Variants in SMR3A observed in about 807,000 individuals in gnomAD.
SMR3A encodes the protein submaxillary gland androgen regulated protein 3A, also known as submaxillary gland androgen-regulated protein 3A.
For synonymous variants in SMR3A, 48 were observed against 57.4 expected (o/e 0.84, Z 0.74); for missense variants, 188 against 163.0 (o/e 1.15, Z -0.84).
chr4:70,365,861 G>A (rs1223842647), intron 2 of SMR3A, among the ~76,000 whole-genome samples: 3 of 151,942 alleles, frequency 2.0e-5, no homozygotes, highest in Admixed American at 6.6e-5. Context: ...ATAAAAAGAC[G>A]TGTCTTTCCC....
Position 70,366,679 on chromosome 4 carries a change from T to G in SMR3A, c.90T>G (p.Tyr30Ter). ...GTCAAAGAGGCCCCAGGGGACCATA[T>G]CCACCTGGACCACTGGCTCCTCCTC... is the stretch of plus-strand genomic sequence containing the variant. ...GESQRGPRGP[Y>*]PPGPLAPPPP... Residue 30 changes from tyrosine to a stop codon, truncating the protein, a stop_gained, in exon 3 of 3, where the codon TAT becomes TAG. Coordinates refer to ENST00000226460, the MANE Select transcript of SMR3A (RefSeq NM_012390.4). LOFTEE classifies it low-confidence loss of function (END_TRUNC). The G allele has an allele frequency of 4.3e-6, 7 of 1,612,696 alleles. No individual in the cohort carries two copies. The highest frequency in any genetic ancestry group is 5.9e-6 in the Non-Finnish European group (7 of 1,179,254).
In SMR3A at chr4:70,362,160, G is replaced by A. The variant is rs62322478; in HGVS notation, c.45G>A (p.Ala15=). The A allele has an allele frequency of 0.11, 176,660 of 1,609,062 alleles. 9,017 individuals are homozygous for A. The highest frequency in any genetic ancestry group is 0.33 in the African/African-American group (24,192 of 74,276). Reference sequence around the variant, plus strand: ...TCTTGGGCCTTTGGGCTCTTGCAGCGTGTTTCACAGTAAGTATCATTAATC... The same window carrying A: ...TCTTGGGCCTTTGGGCTCTTGCAGCATGTTTCACAGTAAGTATCATTAATC... ...TWILGLWALA[A]CFTPGESQRG... The change falls in exon 2 of 3, where the codon GCG becomes GCA. Residue 15 remains alanine, a synonymous_variant. Coordinates refer to ENST00000226460, the MANE Select transcript of SMR3A (RefSeq NM_012390.4).
chr4:70,363,149 C>T (rs1341014384), intron 2 of SMR3A, among the ~76,000 whole-genome samples: 1 of 151,924 alleles, frequency 6.6e-6, no homozygotes, highest in Non-Finnish European at 1.5e-5. Context: ...AACATTTTCA[C>T]ATCCTCAAAA....
intron 1 of SMR3A, among the ~76,000 whole-genome samples, chr4:70,361,222 A>C (rs1241955093): frequency 6.6e-6 from 1 of 151,918 alleles, no homozygotes; most frequent in Non-Finnish European, 1.5e-5. Context: ...GGGAAAAGTA[A>C]TCCTTAAGGG....
chr4:70,361,068 TC>T (rs1732138055), intron 1 of SMR3A, among the ~76,000 whole-genome samples: 1 of 151,742 alleles, frequency 6.6e-6, no homozygotes, highest in Non-Finnish European at 1.5e-5. Context: ...AATTGACTTT[TC>T]CCCTTGATGT....
chr4:70,364,612 T>G (rs142836188), intron 2 of SMR3A, among the ~76,000 whole-genome samples: 63 of 152,038 alleles, frequency 4.1e-4, no homozygotes, highest in Non-Finnish European at 7.7e-4. Flanking sequence ...GTGTGGCCAG[T>G]AAATCAGGGA....
intron 1 of SMR3A, among the ~76,000 whole-genome samples, chr4:70,361,562 A>T (rs1026521772): frequency 6.6e-6 from 1 of 151,858 alleles, no homozygotes; most frequent in Non-Finnish European, 1.5e-5. Context: ...TGTTGTTAAA[A>T]CTAGGAGATA....
intron 2 of SMR3A, among the ~76,000 whole-genome samples, 161 bp from the exon 3 acceptor site, chr4:70,366,483 G>T (rs536924276): frequency 1.1e-3 from 173 of 152,156 alleles, no homozygotes; most frequent in African/African-American, 3.9e-3. Flanking sequence ...TGTAGAACCT[G>T]TTTTAAAAGG....
chr4:70,366,845 C>A lies in SMR3A; in HGVS notation c.256C>A (p.Pro86Thr), dbSNP rs1297089252. The change falls in exon 3 of 3, where the codon CCA becomes ACA. Residue 86 changes from proline (P) to threonine (T), a missense_variant. Physicochemically the swap from Pro to Thr is conservative, Grantham distance 38. Coordinates refer to ENST00000226460, the MANE Select transcript of SMR3A (RefSeq NM_012390.4). ...IPPSPPPPYG[P>T]GRIQSHSLPP... ...ACCATCCCCTCCTCCACCCTATGGTCCAGGGAGAATTCAATCACACTCTCT... is the reference window on the plus strand; with the variant it reads ...ACCATCCCCTCCTCCACCCTATGGTACAGGGAGAATTCAATCACACTCTCT... 1 of 1,613,510 alleles carries A rather than the reference C, an allele frequency of 6.2e-7. No individual in the cohort carries two copies. The highest frequency in any genetic ancestry group is 1.3e-5 in the African/African-American group (1 of 74,846).
intron 1 of SMR3A, among the ~76,000 whole-genome samples, chr4:70,361,715 T>C (rs1247732615): frequency 1.3e-5 from 2 of 151,854 alleles, no homozygotes; most frequent in African/African-American, 4.8e-5. Context: ...TATAGAAATC[T>C]ATAAAACAAT....
chr4:70,362,756 T>C (rs1732176127), intron 2 of SMR3A, among the ~76,000 whole-genome samples: 1 of 151,824 alleles, frequency 6.6e-6, no homozygotes, highest in Non-Finnish European at 1.5e-5. Flanking sequence ...AATAGAATGA[T>C]ACTCAATTTC....
At chr4:70,364,371 T>C (rs1210657575) in intron 2 of SMR3A, among the ~76,000 whole-genome samples, 1 of 151,682 alleles carries the variant, frequency 6.6e-6, no homozygotes, top group East Asian at 1.9e-4. Flanking sequence ...GCAAGAAAGA[T>C]GATAAGAAGT....
chr4:70,361,928 A>G (rs1732153923), intron 1 of SMR3A, among the ~76,000 whole-genome samples, 174 bp from the exon 2 acceptor site: 1 of 151,956 alleles, frequency 6.6e-6, no homozygotes. Flanking sequence ...AAATTTTATA[A>G]GCCTACTAAT....
At chr4:70,365,660 T>G (rs573568842) in intron 2 of SMR3A, among the ~76,000 whole-genome samples, 1 of 152,012 alleles carries the variant, frequency 6.6e-6, no homozygotes, top group African/African-American at 2.4e-5. Flanking sequence ...TATCCCCCCC[T>G]GTATTGTAAT....
intron 1 of SMR3A, 55 bp downstream of exon 1, chr4:70,360,897 T>C (rs1732135458): frequency 6.6e-6 from 1 of 151,924 alleles, no homozygotes; most frequent in South Asian, 2.1e-4. Context: ...TTTCATGAGC[T>C]TTTTATAGGA....
chr4:70,364,833 T>C (rs1732226429), intron 2 of SMR3A, among the ~76,000 whole-genome samples: 1 of 152,054 alleles, frequency 6.6e-6, no homozygotes, highest in African/African-American at 2.4e-5. Context: ...GCTAACTTTC[T>C]GATGGTACAG....
Position 70,362,166 on chromosome 4 carries a change from C to A in SMR3A, c.51C>A (p.Phe17Leu). Residue 17 changes from phenylalanine (F) to leucine (L), a missense_variant, in exon 2 of 3, where the codon TTC (phenylalanine) becomes TTA (leucine). Physicochemically the swap from Phe to Leu is conservative, Grantham distance 22. Coordinates refer to ENST00000226460, the MANE Select transcript of SMR3A (RefSeq NM_012390.4). Reference protein sequence around the residue: ...ILGLWALAACFTPGESQRGPR... With the variant: ...ILGLWALAACLTPGESQRGPR... ...GCCTTTGGGCTCTTGCAGCGTGTTT[C>A]ACAGTAAGTATCATTAATCACGATC... The A allele has an allele frequency of 6.2e-7, 1 of 1,611,740 alleles. No individual in the cohort carries two copies. Among genetic ancestry groups the A allele is most frequent in the Non-Finnish European group, 8.5e-7 (1 of 1,178,358 alleles).
rs763076642 is a variant in SMR3A at position 70,366,915 on chromosome 4, C to A, written c.326C>A (p.Pro109Gln). 1.4e-5 allele frequency: 23 copies of A among 1,613,552 alleles called. No homozygotes were observed. The Admixed American group carries it at 2.3e-4, about 16-fold the overall frequency. ...GPGYPQPPSQ[P>Q]RPYPPGPPFF... Reference sequence around the variant, plus strand: ...GGTTATCCACAGCCACCTTCCCAACCAAGACCCTATCCACCTGGACCTCCA... The same window carrying A: ...GGTTATCCACAGCCACCTTCCCAACAAAGACCCTATCCACCTGGACCTCCA... Residue 109 changes from proline (P) to glutamine (Q), a missense_variant, in exon 3 of 3, where the codon CCA becomes CAA. Transcript: ENST00000226460.
intron 2 of SMR3A, among the ~76,000 whole-genome samples, chr4:70,363,338 C>T (rs2109751154): frequency 6.6e-6 from 1 of 151,972 alleles, no homozygotes; most frequent in Admixed American, 6.6e-5. Flanking sequence ...TGAAGGGTAG[C>T]ATGTCCTTTG....
Sources: allele counts gnomAD v4.1 joint callset (sites outside exome capture counted in the v4.1 genomes callset), GRCh38; gene constraint gnomAD v4.1.1; transcripts MANE v1.5; gene names NCBI Gene and HGNC (gene_info 2026-07-23, HGNC 2026-07-21).